ARHGEF10: variants seen among roughly 807,000 people sequenced by gnomAD.
ARHGEF10 encodes Rho guanine nucleotide exchange factor (GEF) 10.
In ARHGEF10, 140 loss-of-function variants were observed where a neutral mutation model predicts 147.4. The ratio of observed to expected loss-of-function variants is 0.95; its 90% CI spans 0.83 to 1.09. The LOEUF (loss-of-function observed/expected upper bound fraction) is 1.09, where lower values mean the gene tolerates loss of function less well. Ranked by LOEUF, ARHGEF10 falls within the 50% of genes least tolerant of loss-of-function variation. The pLI, the probability that ARHGEF10 is intolerant of heterozygous loss-of-function variation, is 0.00. For synonymous variants in ARHGEF10, 902 were observed against 695.8 expected, an observed-to-expected ratio of 1.30 and a Z score of -4.67; for missense variants, 2,222 against 1,752.7, an observed-to-expected ratio of 1.27 and a Z score of -4.78.
Position 1,922,976 on chromosome 8 carries a change from T to A in ARHGEF10, c.2156T>A (p.Met719Lys). 6.2e-7 allele frequency: 1 copy of A among 1,612,648 alleles called. No homozygotes were observed. Among genetic ancestry groups the A allele is most frequent in the South Asian group, 1.1e-5 (1 of 90,996 alleles). ...VANAKPNKVY[M>K]GPGQLYQDLQ... ...GCTTATTTTGTAGACAAAGTTTACA[T>A]GGGGCCAGGACAACTGTATCAAGAT... is the stretch of plus-strand genomic sequence containing the variant. The change falls in exon 19 of 29, where the codon ATG becomes AAG. Residue 719 changes from methionine to lysine, a missense_variant. Transcript: ENST00000349830.
intron 3 of ARHGEF10, among the ~76,000 whole-genome samples, chr8:1,859,074 C>T (rs182824629): frequency 8.5e-4 from 121 of 142,096 alleles, no homozygotes; most frequent in African/African-American, 2.8e-3. Context: ...GTTGTTTGCA[C>T]GGTGTTTCTT....
Position 1,876,590 on chromosome 8 carries a change from T to A in ARHGEF10, c.699T>A (p.Asp233Glu). The change falls in exon 8 of 29, where the codon GAT (aspartate) becomes GAA (glutamate). Residue 233 changes from aspartate (D) to glutamate (E), a missense_variant. Coordinates refer to ENST00000349830, the MANE Select transcript of ARHGEF10 (RefSeq NM_014629.4). ...ACTCAGATGAAATGATTTATGATGA[T>A]GTTGAGAATGGGGATGAAGGTGGAA... ...DSEPDEMIYDDVENGDEGGNS... is the reference protein window; with the variant it reads ...DSEPDEMIYDEVENGDEGGNS... 1 of 1,614,192 alleles carries A rather than the reference T, an allele frequency of 6.2e-7. No homozygotes were observed. The highest frequency in any genetic ancestry group is 8.5e-7 in the Non-Finnish European group (1 of 1,180,014).
At chr8:1,915,653 C>T (rs1345140903) in intron 18 of ARHGEF10, among the ~76,000 whole-genome samples, 1 of 152,256 alleles carries the variant, frequency 6.6e-6, no homozygotes, top group Non-Finnish European at 1.5e-5. Flanking sequence ...GTCACTGTGT[C>T]TGTTTATATC....
At chr8:1,863,472 G>C (rs1168094632) in intron 4 of ARHGEF10, among the ~76,000 whole-genome samples, 1 of 152,254 alleles carries the variant, frequency 6.6e-6, no homozygotes, top group Non-Finnish European at 1.5e-5. Flanking sequence ...CCTTTAGAAA[G>C]TGTTTCATGG....
intron 12 of ARHGEF10, 33 bp from the exon 13 acceptor site, chr8:1,894,360 A>G (rs149314318): frequency 1.9e-6 from 3 of 1,613,352 alleles, no homozygotes; most frequent in South Asian, 2.2e-5. Flanking sequence ...TGAAAAAGAA[A>G]AGTCTGAACT....
intron 1 of ARHGEF10, among the ~76,000 whole-genome samples, chr8:1,831,459 C>T (rs563479075): frequency 9.4e-5 from 13 of 137,654 alleles, no homozygotes; most frequent in African/African-American, 2.7e-4. Flanking sequence ...GTGTGACGGC[C>T]GTGGAGGGAC....
At chr8:1,945,457 A>C (rs1356656624) in intron 26 of ARHGEF10, 24 bp from the exon 27 acceptor site, 5 of 1,568,040 alleles carry the variant, frequency 3.2e-6, no homozygotes, top group South Asian at 1.2e-5. Context: ...CGGGGCTAGC[A>C]GACTTGACCT....
chr8:1,876,617 C>T lies in ARHGEF10; in HGVS notation c.726C>T (p.Asn242=), dbSNP rs770522560. The change falls in exon 8 of 29, where the codon AAC becomes AAT. Residue 242 remains asparagine, a synonymous_variant. Coordinates refer to ENST00000349830, the MANE Select transcript of ARHGEF10 (RefSeq NM_014629.4). ...TTGAGAATGGGGATGAAGGTGGAAA[C>T]AGCTCCTTGGAATACGGATGGAGTT... ...DDVENGDEGG[N]SSLEYGWSSS... is the part of the protein sequence containing the mutation. 6.2e-7 allele frequency: 1 copy of T among 1,614,216 alleles called. No individual in the cohort carries two copies. The highest frequency in any genetic ancestry group is 8.5e-7 in the Non-Finnish European group (1 of 1,180,022).
chr8:1,942,492 C>G (rs1814183578), intron 26 of ARHGEF10, among the ~76,000 whole-genome samples: 1 of 151,910 alleles, frequency 6.6e-6, no homozygotes, highest in Non-Finnish European at 1.5e-5. Context: ...TGCTGGGAGA[C>G]TCTTGCTGGT....
At chr8:1,934,315 C>G (rs1335451251) in intron 26 of ARHGEF10, among the ~76,000 whole-genome samples, 2 of 138,348 alleles carry the variant, frequency 1.4e-5, no homozygotes, top group African/African-American at 5.5e-5. Flanking sequence ...GATCTCGCCA[C>G]TGCACTCCAG....
chr8:1,860,237 T>G, intron 4 of ARHGEF10, 53 bp downstream of exon 4: 1 of 1,598,698 alleles, frequency 6.3e-7, no homozygotes, highest in Non-Finnish European at 8.5e-7. Flanking sequence ...TTCCCTCCTC[T>G]CCACGCCCCC....
intron 16 of ARHGEF10, 125 bp downstream of exon 16, chr8:1,903,576 A>T: frequency 2.3e-6 from 3 of 1,305,616 alleles, no homozygotes; most frequent in Non-Finnish European, 3.2e-6. Flanking sequence ...CAGAGTTCTT[A>T]ACCGGGGTGG....
chr8:1,867,114 A>C (rs2129089129), intron 6 of ARHGEF10, among the ~76,000 whole-genome samples: 1 of 152,158 alleles, frequency 6.6e-6, no homozygotes, highest in South Asian at 2.1e-4. Flanking sequence ...TCCCGAATAA[A>C]TGTTTTGTTA....
At chr8:1,892,409 G>C (rs915044128) in intron 11 of ARHGEF10, among the ~76,000 whole-genome samples, 9 of 151,408 alleles carry the variant, frequency 5.9e-5, no homozygotes, top group Non-Finnish European at 1.2e-4. Context: ...TATTTTAGAA[G>C]GGTTGATTTT....
At chr8:1,935,161 T>G (rs961895617) in intron 26 of ARHGEF10, among the ~76,000 whole-genome samples, 8 of 152,098 alleles carry the variant, frequency 5.3e-5, no homozygotes, top group Admixed American at 3.9e-4. Context: ...ACTGCAAAAT[T>G]GAATGAAAAG....
At chr8:1,916,574 C>A (rs1269766556) in intron 18 of ARHGEF10, among the ~76,000 whole-genome samples, 1 of 152,154 alleles carries the variant, frequency 6.6e-6, no homozygotes, top group Admixed American at 6.5e-5. Flanking sequence ...AGGCCTTGCG[C>A]TGGGAGGAGC....
At chr8:1,868,494 C>G (rs1460059746) in intron 6 of ARHGEF10, among the ~76,000 whole-genome samples, 1 of 152,214 alleles carries the variant, frequency 6.6e-6, no homozygotes. Flanking sequence ...ACCTCAGGCT[C>G]ATTGTTGGTG....
chr8:1,830,624 C>G (rs1803038568), intron 1 of ARHGEF10, among the ~76,000 whole-genome samples: 1 of 152,244 alleles, frequency 6.6e-6, no homozygotes, highest in South Asian at 2.1e-4. Flanking sequence ...TAAGTGCTCT[C>G]ACGCCCCAAG....
intron 27 of ARHGEF10, among the ~76,000 whole-genome samples, chr8:1,949,770 C>T (rs901238034): frequency 1.1e-4 from 17 of 151,894 alleles, no homozygotes; most frequent in Non-Finnish European, 2.9e-5. Flanking sequence ...AGTTAACGAA[C>T]GAGACTGAGG....
Sources: allele counts gnomAD v4.1 joint callset (sites outside exome capture counted in the v4.1 genomes callset), GRCh38; gene constraint gnomAD v4.1.1; transcripts MANE v1.5; gene names NCBI Gene and HGNC (gene_info 2026-07-23, HGNC 2026-07-21).